Variants in CDCP1 observed in about 807,000 individuals in gnomAD.
CDCP1 encodes CUB domain containing protein 1, also known as CUB domain-containing protein 1.
A neutral mutation model predicts 60.2 loss-of-function variants in CDCP1; 29 were observed. That is an observed-to-expected ratio of 0.48 (90% CI 0.36 to 0.66). CDCP1 has a LOEUF of 0.66. Ranked by LOEUF, CDCP1 falls within the 30% of genes least tolerant of loss-of-function variation. The pLI is 0.00. For missense variants in CDCP1, 876 were observed against 1,074.3 expected (o/e 0.82, Z 2.58); for synonymous variants, 387 against 431.1 (o/e 0.90, Z 1.27).
At chr3:45,115,499 A>G (rs1469402424) in intron 2 of CDCP1, among the ~76,000 whole-genome samples, 2 of 152,210 alleles carry the variant, frequency 1.3e-5, no homozygotes, top group African/African-American at 4.8e-5. Context: ...TAATGGAACA[A>G]AACTATTTTG....
At chr3:45,101,148 T>A (rs1176808037) in intron 4 of CDCP1, among the ~76,000 whole-genome samples, 1 of 152,184 alleles carries the variant, frequency 6.6e-6, no homozygotes, top group Non-Finnish European at 1.5e-5. Context: ...CTCTCAGAAG[T>A]GGCAGGCTCA....
At position 45,138,884 on chromosome 3, in the gene CDCP1, C is replaced by T. The variant is rs540028274; in HGVS notation, c.82+7322G>A. 9.1e-4 allele frequency among the ~76,000 whole-genome samples: 139 copies of T among 151,998 alleles called. 1 individual carries two copies. Among genetic ancestry groups the T allele is most frequent in the African/African-American group, 3.3e-3 (135 of 41,458 alleles). On this transcript the variant is annotated intron_variant, in intron 1 of 8. Transcript: ENST00000296129. ...GAAGAAAGAAAAGAAAAAGAAAGAC[C>T]GAAAAGAAAAGAGGTTTATTTAGCT...
chr3:45,102,785 C>A (rs1237858860), intron 4 of CDCP1, among the ~76,000 whole-genome samples: 1 of 152,142 alleles, frequency 6.6e-6, no homozygotes, highest in Non-Finnish European at 1.5e-5. Context: ...CTCAGCCTCC[C>A]TAGTAGCTGG....
chr3:45,094,387 G>A (rs1035379230), intron 5 of CDCP1, among the ~76,000 whole-genome samples: 19 of 152,066 alleles, frequency 1.2e-4, no homozygotes, highest in Non-Finnish European at 2.6e-4. Context: ...CACCATGCCC[G>A]GCTAATTTTT....
chr3:45,140,665 C>T (rs775715856), intron 1 of CDCP1, among the ~76,000 whole-genome samples: 2 of 152,162 alleles, frequency 1.3e-5, no homozygotes, highest in African/African-American at 2.4e-5. Context: ...TGTTTGAGGA[C>T]GGAGAATTAA....
intron 1 of CDCP1, among the ~76,000 whole-genome samples, chr3:45,136,985 A>C (rs1699201179): frequency 6.6e-6 from 1 of 152,180 alleles, no homozygotes; most frequent in Admixed American, 6.5e-5. Context: ...ATACTGGTGA[A>C]TTTGATGGTA....
At chr3:45,134,337 G>A (rs1399418543) in intron 1 of CDCP1, among the ~76,000 whole-genome samples, 1 of 152,002 alleles carries the variant, frequency 6.6e-6, no homozygotes, top group Non-Finnish European at 1.5e-5. Context: ...TGTTAGCCAG[G>A]ATGGTCTCGA....
intron 1 of CDCP1, among the ~76,000 whole-genome samples, chr3:45,140,893 C>A (rs1275889777): frequency 6.6e-6 from 1 of 152,172 alleles, no homozygotes; most frequent in Non-Finnish European, 1.5e-5. Flanking sequence ...ATTCCAAATA[C>A]ACTAGGATCA....
intron 2 of CDCP1, among the ~76,000 whole-genome samples, chr3:45,114,934 T>A (rs1698759533): frequency 6.7e-6 from 1 of 148,280 alleles, no homozygotes; most frequent in Non-Finnish European, 1.5e-5. Context: ...GTAAGCCATG[T>A]GGGCATCCTA....
chr3:45,093,491 T>C lies in CDCP1; in HGVS notation c.1413A>G (p.Thr471=), dbSNP rs1270387995. The change falls in exon 6 of 9, where the codon ACA becomes ACG. Residue 471 remains threonine, a synonymous_variant. Coordinates refer to ENST00000296129, the MANE Select transcript of CDCP1 (RefSeq NM_022842.5). ...LVPAQKLQQH[T]HEKPCNTSFS... ...AGCTGGTGTTGCAGGGCTTCTCGTG[T>C]GTATGCTGCTGCAGCTTCTGGGCTG... The C allele has an allele frequency of 6.2e-7, 1 of 1,613,974 alleles. No homozygotes were observed. Among genetic ancestry groups the C allele is most frequent in the Non-Finnish European group, 8.5e-7 (1 of 1,179,928 alleles).
intron 4 of CDCP1, among the ~76,000 whole-genome samples, chr3:45,108,321 C>G (rs74380499): frequency 6.6e-6 from 1 of 152,136 alleles, no homozygotes; most frequent in Admixed American, 6.5e-5. Context: ...GCCAAGTCCA[C>G]TCACTCCGCT....
intron 4 of CDCP1, among the ~76,000 whole-genome samples, chr3:45,102,662 A>G (rs1315510180): frequency 2.0e-5 from 3 of 151,272 alleles, no homozygotes; most frequent in Non-Finnish European, 4.4e-5. Flanking sequence ...AAAAAAAGAA[A>G]AAGAAAAATT....
intron 2 of CDCP1, among the ~76,000 whole-genome samples, chr3:45,116,606 C>T (rs1351317706): frequency 6.6e-6 from 1 of 152,144 alleles, no homozygotes; most frequent in African/African-American, 2.4e-5. Flanking sequence ...GGCTCACGGG[C>T]CTAAGACACC....
rs142082199 is a variant in CDCP1, at chr3:45,086,561, C to T, written c.2082-494G>A. Among the ~76,000 whole-genome samples, 506 of 152,246 alleles carry T rather than the reference C, an allele frequency of 3.3e-3. 4 individuals carry two copies. Among genetic ancestry groups the T allele is most frequent in the Non-Finnish European group, 3.4e-3 (229 of 68,008 alleles). ...CTCTGACCATCTAGATTTTAAATGGCGATACAAGAGACTCAGGAGGCCAGG... is the reference window on the plus strand; with the variant it reads ...CTCTGACCATCTAGATTTTAAATGGTGATACAAGAGACTCAGGAGGCCAGG... On this transcript the variant is annotated intron_variant, in intron 8 of 8. Transcript: ENST00000296129.
chr3:45,089,386 T>C (rs1204632511), intron 7 of CDCP1, among the ~76,000 whole-genome samples: 1 of 152,228 alleles, frequency 6.6e-6, no homozygotes, highest in Non-Finnish European at 1.5e-5. Context: ...GATGTCAGCT[T>C]GCACTTTCTC....
chr3:45,112,689 G>A (rs1198925202), intron 2 of CDCP1, among the ~76,000 whole-genome samples: 1 of 152,234 alleles, frequency 6.6e-6, no homozygotes, highest in Non-Finnish European at 1.5e-5. Context: ...AGCCTGAGAG[G>A]TGTTGCAGCC....
At chr3:45,115,402 T>C (rs2125999125) in intron 2 of CDCP1, among the ~76,000 whole-genome samples, 1 of 152,370 alleles carries the variant, frequency 6.6e-6, no homozygotes, top group African/African-American at 2.4e-5. Flanking sequence ...TGTGCATGTA[T>C]GTAAGTGTGC....
chr3:45,098,728 A>G (rs938006927), intron 4 of CDCP1, among the ~76,000 whole-genome samples: 1 of 152,136 alleles, frequency 6.6e-6, no homozygotes, highest in Non-Finnish European at 1.5e-5. Flanking sequence ...ATGTTTGTGT[A>G]ATCGTGACTA....
At chr3:45,146,096 A>G (rs1576130195) in intron 1 of CDCP1, 110 bp downstream of exon 1, 1 of 952,934 alleles carries the variant, frequency 1.0e-6, no homozygotes, top group African/African-American at 1.9e-5. Flanking sequence ...CTCTCTCCGC[A>G]CCCTCCGCAC....
Sources: allele counts gnomAD v4.1 joint callset (sites outside exome capture counted in the v4.1 genomes callset), GRCh38; gene constraint gnomAD v4.1.1; transcripts MANE v1.5; gene names NCBI Gene and HGNC (gene_info 2026-07-23, HGNC 2026-07-21).